ERCC6: variants seen among roughly 807,000 people sequenced by gnomAD.
The protein encoded by ERCC6 is DNA excision repair protein ERCC-6.
ERCC6 carries 116 observed loss-of-function variants against 158.7 expected under a neutral mutation model. The ratio of observed to expected loss-of-function variants is 0.73; its 90% CI spans 0.63 to 0.85. ERCC6 has a LOEUF of 0.85. Among genes scored for constraint, ERCC6 ranks in the 40% least tolerant of loss-of-function variants. The pLI, the probability that ERCC6 is intolerant of heterozygous loss-of-function variation, is 0.00. For synonymous variants in ERCC6, 678 were observed against 659.3 expected (o/e 1.03, Z -0.43); for missense variants, 1,698 against 1,799.4 (o/e 0.94, Z 1.02).
At chr10:49,459,402 G>A (rs1247692915) in intron 20 of ERCC6, among the ~76,000 whole-genome samples, 168 bp from the exon 21 acceptor site, 1 of 151,926 alleles carries the variant, frequency 6.6e-6, no homozygotes, top group East Asian at 1.9e-4. Flanking sequence ...AGGAGGGTCT[G>A]GTATCTAAAT....
chr10:49,516,726 G>C, intron 5 of ERCC6: 1 of 1,614,112 alleles, frequency 6.2e-7, no homozygotes, highest in Non-Finnish European at 8.5e-7. Flanking sequence ...GTTTGGTGGT[G>C]CTGTAACTCT....
chr10:49,505,083 A>G (rs1851420972), intron 6 of ERCC6: 1 of 152,166 alleles, frequency 6.6e-6, no homozygotes, highest in Admixed American at 6.5e-5. Context: ...CAAATTGATT[A>G]TACAAAAGAG....
chr10:49,517,109 A>G (rs1426359303), intron 5 of ERCC6: 1 of 1,592,008 alleles, frequency 6.3e-7, no homozygotes, highest in Non-Finnish European at 8.6e-7. Flanking sequence ...TTAGTGTTCG[A>G]GGCATCTTGG....
At chr10:49,538,632 A>T (rs1837660520) in intron 1 of ERCC6, among the ~76,000 whole-genome samples, 1 of 152,184 alleles carries the variant, frequency 6.6e-6, no homozygotes. Flanking sequence ...TCTCTTTAAA[A>T]TAACAGCTCC....
In ERCC6 at chr10:49,489,023, T is replaced by A. The variant is rs4253150; in HGVS notation, c.1821+4094A>T. ...TGGTCTCGATCTTCTGACCTCATGA[T>A]CCGCCGGCCTCAGCCTCCCAAAGTG... On this transcript the variant is annotated intron_variant, in intron 8 of 20. Transcript: ENST00000355832. Among the ~76,000 whole-genome samples, 112 of 152,290 alleles carry A rather than the reference T, an allele frequency of 7.4e-4. 3 individuals are homozygous for A. In the South Asian group the frequency reaches 0.022, roughly 30 times the overall value.
chr10:49,483,928 T>C lies in ERCC6; in HGVS notation c.1822-412A>G, dbSNP rs547985511. On this transcript the variant is annotated intron_variant, in intron 8 of 20. Transcript: ENST00000355832. ...CAGACAAATCTAGGATCTCTAACAA[T>C]GTATAACAAGAATTCCAGGACAGAG... Among the ~76,000 whole-genome samples, 3 of 151,988 alleles carry C rather than the reference T, an allele frequency of 2.0e-5. No homozygotes were observed. In the South Asian group the frequency reaches 6.2e-4, roughly 32 times the overall value.
chr10:49,534,828 C>G (rs1014916806), intron 1 of ERCC6, among the ~76,000 whole-genome samples: 1 of 152,146 alleles, frequency 6.6e-6, no homozygotes. Flanking sequence ...CCCAGTGGGC[C>G]CCACTCATCC....
At position 49,474,332 on chromosome 10, in the gene ERCC6, A is replaced by C. The variant is rs1029070987; in HGVS notation, c.2383-90T>G. The C allele has an allele frequency of 8.3e-6, 8 of 968,772 alleles. No individual in the cohort carries two copies. In the African/African-American group the frequency reaches 9.7e-5, roughly 12 times the overall value. 60.0% of individuals were successfully genotyped at this position (968,772 alleles called of 1,614,324 possible). ...GGAGGCTGTTTAACCTATAACACAG[A>C]CTAAAAAACAGTTCTCCACCAGCTT... is the stretch of plus-strand genomic sequence containing the variant. On this transcript the variant is annotated intron_variant, in intron 12 of 20. Transcript: ENST00000355832.
At chr10:49,528,288 T>TTTTGA in intron 4 of ERCC6, 129 bp downstream of exon 4, 2 of 1,112,400 alleles carry the variant, frequency 1.8e-6, no homozygotes, top group Non-Finnish European at 2.7e-6. Flanking sequence ...CCTAAATCTG[T>TTTTGA]TTTGACACTA....
In ERCC6 at chr10:49,471,062, A is replaced by G. The variant is rs1369390265; in HGVS notation, c.2983T>C (p.Phe995Leu). ...TCATAGAGATCATTGGATTTGAAAA[A>G]CCGCCTTTGTTTTGGGTCTTTTAGC... is the stretch of plus-strand genomic sequence containing the variant. Reference protein sequence around the residue: ...RVLKDPKQRRFFKSNDLYELF... With the variant: ...RVLKDPKQRRLFKSNDLYELF... The change falls in exon 17 of 21, where the codon TTT (phenylalanine) becomes CTT (leucine). Residue 995 changes from phenylalanine to leucine, a missense_variant. Phe to Leu is a conservative substitution (Grantham distance 22, BLOSUM62 0). Transcript: ENST00000355832. The G allele has an allele frequency of 1.2e-5, 19 of 1,613,868 alleles. No homozygotes were observed. Among genetic ancestry groups the G allele is most frequent in the Middle Eastern group, 1.6e-4 (1 of 6,062 alleles).
At chr10:49,444,034 G>A in the ERCC6 span, among the ~76,000 whole-genome samples, 1 of 152,342 alleles carries the variant, frequency 6.6e-6, no homozygotes, top group African/African-American at 2.4e-5. Context: ...AGATGGGGCA[G>A]GTGGCGGCTG....
chr10:49,494,928 T>C (rs1327257994), intron 7 of ERCC6, among the ~76,000 whole-genome samples: 1 of 152,188 alleles, frequency 6.6e-6, no homozygotes, highest in Non-Finnish European at 1.5e-5. Flanking sequence ...TCCCCCTCTG[T>C]AGGTTTCTAG....
chr10:49,488,429 T>C (rs948466094), intron 8 of ERCC6: 2 of 152,174 alleles, frequency 1.3e-5, no homozygotes, highest in Non-Finnish European at 2.9e-5. Context: ...TAAACAAGGA[T>C]TTGTGCTGAC....
chr10:49,497,224 C>T (rs887860589), intron 7 of ERCC6, among the ~76,000 whole-genome samples: 2 of 152,258 alleles, frequency 1.3e-5, no homozygotes, highest in African/African-American at 2.4e-5. Context: ...CCTTCCATGG[C>T]AGCAAGCCTT....
At chr10:49,536,143 C>T (rs111705140) in intron 1 of ERCC6, among the ~76,000 whole-genome samples, 46 of 152,046 alleles carry the variant, frequency 3.0e-4, no homozygotes, top group African/African-American at 9.4e-4. Context: ...TTCAGTGGAG[C>T]GATAGGGCCA....
chr10:49,437,993 A>T, the ERCC6 span, among the ~76,000 whole-genome samples: 1 of 152,228 alleles, frequency 6.6e-6, no homozygotes. Flanking sequence ...TGTAAATGCT[A>T]GGCAAATAGT....
intron 6 of ERCC6, chr10:49,504,449 A>G (rs1231683890): frequency 6.6e-6 from 1 of 152,172 alleles, no homozygotes; most frequent in African/African-American, 2.4e-5. Context: ...TAATTGTGAA[A>G]TATCTTTGCT....
Position 49,478,257 on chromosome 10 carries a change from C to A in ERCC6, c.2286+97G>T, listed in dbSNP as rs1850912558. ...GCCTGCCCACAGTTCCAGGATCATA[C>A]CTCACCAGACTCTCTCATCCGCAGA... On this transcript the variant is annotated intron_variant, in intron 11 of 20. Transcript: ENST00000355832. 4.3e-6 allele frequency: 4 copies of A among 925,392 alleles called. No individual in the cohort carries two copies. In the Admixed American group the frequency reaches 5.1e-5, roughly 12 times the overall value. The allele number at this position is 925,392 out of a possible 1,614,324, so 57.3% of individuals were successfully genotyped here.
At position 49,478,376 on chromosome 10, in the gene ERCC6, G is replaced by T; in HGVS notation, c.2264C>A (p.Ser755Tyr). The T allele has an allele frequency of 1.2e-6, 2 of 1,612,950 alleles. No individual in the cohort carries two copies. Among genetic ancestry groups the T allele is most frequent in the South Asian group, 1.1e-5 (1 of 91,070 alleles). The change falls in exon 11 of 21, where the codon TCT becomes TAT. Residue 755 changes from serine (S) to tyrosine (Y), a missense_variant. Ser to Tyr is a moderately radical substitution (Grantham distance 144, BLOSUM62 -2). Transcript: ENST00000355832. ...GACCTGTTCATTTTTATCTGGCAAA[G>T]AAAGGCTCATCTTGACATCTGACTT... ...RMKSDVKMSLSLPDKNEQVLF... is the reference protein window; with the variant it reads ...RMKSDVKMSLYLPDKNEQVLF...
Sources: allele counts gnomAD v4.1 joint callset (sites outside exome capture counted in the v4.1 genomes callset), GRCh38; gene constraint gnomAD v4.1.1; transcripts MANE v1.5; gene names NCBI Gene and HGNC (gene_info 2026-07-23, HGNC 2026-07-21).